The following PSMA5 variants were observed in gnomAD, a reference collection of about 807,000 sequenced individuals.
PSMA5 encodes proteasome 20S subunit alpha 5.
In PSMA5, 3 loss-of-function variants were observed where a neutral mutation model predicts 34.5. The ratio of observed to expected loss-of-function variants is 0.09; its 90% CI spans 0.04 to 0.22. The LOEUF (loss-of-function observed/expected upper bound fraction) is 0.22, where lower values mean the gene tolerates loss of function less well. Among genes scored for constraint, PSMA5 ranks in the 10% least tolerant of loss-of-function variants. PSMA5 has a pLI of 1.00. For synonymous variants in PSMA5, 88 were observed against 95.8 expected (o/e 0.92, Z 0.47); for missense variants, 120 against 286.1 (o/e 0.42, Z 4.19).
At chr1:109,404,238 G>A (rs1177962655) in intron 8 of PSMA5, among the ~76,000 whole-genome samples, 2 of 152,108 alleles carry the variant, frequency 1.3e-5, no homozygotes, top group African/African-American at 4.8e-5. Context: ...CTCGAACATG[G>A]GATGTGGAGG....
At chr1:109,420,502 A>G (rs1654399562) in intron 2 of PSMA5, among the ~76,000 whole-genome samples, 2 of 152,212 alleles carry the variant, frequency 1.3e-5, no homozygotes, top group South Asian at 2.1e-4. Flanking sequence ...AAGAATTGCT[A>G]TTTTTGTTAC....
chr1:109,414,086 C>T lies in PSMA5; in HGVS notation c.224-951G>A, dbSNP rs559862741. Among the ~76,000 whole-genome samples, 7 of 152,264 alleles carry T rather than the reference C, an allele frequency of 4.6e-5. No individual in the cohort carries two copies. In the South Asian group the frequency reaches 1.0e-3, roughly 23 times the overall value. On this transcript the variant is annotated intron_variant, in intron 3 of 8. Coordinates refer to ENST00000271308, the MANE Select transcript of PSMA5 (RefSeq NM_002790.4). ...CTTCAGTGTGGTAAAAAAGGAATTC[C>T]GCTCTCTGACCGACTCTGCTGCTGC...
At chr1:109,419,815 A>C (rs1173066805) in intron 2 of PSMA5, among the ~76,000 whole-genome samples, 1 of 151,066 alleles carries the variant, frequency 6.6e-6, no homozygotes, top group Non-Finnish European at 1.5e-5. Flanking sequence ...AAAAAAAAAA[A>C]AAAAAAAAAC....
chr1:109,408,892 T>G (rs1014415972), intron 8 of PSMA5, among the ~76,000 whole-genome samples: 1 of 152,054 alleles, frequency 6.6e-6, no homozygotes, highest in Non-Finnish European at 1.5e-5. Flanking sequence ...GGTTTCACCA[T>G]GTTGGGCAGG....
intron 2 of PSMA5, among the ~76,000 whole-genome samples, chr1:109,419,825 C>T (rs1177789194): frequency 8.7e-6 from 1 of 114,992 alleles, no homozygotes; most frequent in African/African-American, 4.1e-5. Flanking sequence ...AAAAAAAAAA[C>T]AAGCCGCGCA....
At chr1:109,419,601 G>A (rs1042668700) in intron 2 of PSMA5, among the ~76,000 whole-genome samples, 2 of 151,990 alleles carry the variant, frequency 1.3e-5, no homozygotes, top group East Asian at 1.9e-4. Context: ...TCAGGAGTTC[G>A]AGACCAGCCT....
chr1:109,405,629 G>C (rs954958187), intron 8 of PSMA5, among the ~76,000 whole-genome samples: 2 of 152,000 alleles, frequency 1.3e-5, no homozygotes, highest in African/African-American at 4.8e-5. Flanking sequence ...ATTAGAGACA[G>C]GGGTTTCACC....
intron 1 of PSMA5, 97 bp downstream of exon 1, chr1:109,426,205 T>G (rs1017307167): frequency 2.6e-6 from 4 of 1,525,558 alleles, no homozygotes; most frequent in Admixed American, 1.7e-5. Flanking sequence ...CTCGGGTTCC[T>G]GGGGAGCCCC....
In PSMA5 at chr1:109,412,158, T is replaced by A. The variant is rs776181249; in HGVS notation, c.318A>T (p.Thr106=). Reference sequence around the variant, plus strand: ...CTTGGGTCACACTCTCCACTGTCATTGTCTCATTGTAGGTGAACCAGTGGT... The same window carrying A: ...CTTGGGTCACACTCTCCACTGTCATAGTCTCATTGTAGGTGAACCAGTGGT... The part of the protein sequence containing the change: ...TQNHWFTYNE[T]MTVESVTQAV... The change falls in exon 5 of 9, where the codon ACA becomes ACT. Residue 106 remains threonine (T), a synonymous_variant. Transcript: ENST00000271308. The A allele has an allele frequency of 1.2e-6, 2 of 1,614,062 alleles. No individual in the cohort carries two copies. The highest frequency in any genetic ancestry group is 2.2e-5 in the South Asian group (2 of 91,084).
chr1:109,405,447 G>GTT (rs11390638), intron 8 of PSMA5, among the ~76,000 whole-genome samples: 5,650 of 118,252 alleles, frequency 0.048, 277 homozygotes, highest in Middle Eastern at 0.062. Flanking sequence ...GTCAGAAAAG[G>GTT]TTTTTTTTTT....
chr1:109,415,840 A>G (rs1654171621), intron 2 of PSMA5, among the ~76,000 whole-genome samples: 1 of 152,186 alleles, frequency 6.6e-6, no homozygotes, highest in Non-Finnish European at 1.5e-5. Context: ...CTGTCCCAAG[A>G]GGTGATGATA....
intron 3 of PSMA5, among the ~76,000 whole-genome samples, chr1:109,414,613 C>A (rs974001688): frequency 1.3e-5 from 2 of 152,154 alleles, no homozygotes; most frequent in Non-Finnish European, 2.9e-5. Flanking sequence ...ATGTTCCAAT[C>A]TTAAAAGATA....
chr1:109,422,440 T>C (rs1301984544), intron 1 of PSMA5, among the ~76,000 whole-genome samples: 1 of 152,112 alleles, frequency 6.6e-6, no homozygotes, highest in Non-Finnish European at 1.5e-5. Flanking sequence ...TAGGAAGAGT[T>C]TTCCCCCTAA....
At chr1:109,406,227 T>G (rs929042048) in intron 8 of PSMA5, among the ~76,000 whole-genome samples, 6 of 152,092 alleles carry the variant, frequency 3.9e-5, no homozygotes, top group African/African-American at 1.4e-4. Flanking sequence ...ATGGAAATAA[T>G]AAAAGCTGAA....
intron 3 of PSMA5, among the ~76,000 whole-genome samples, chr1:109,414,197 C>T (rs1654108889): frequency 6.6e-6 from 1 of 152,202 alleles, no homozygotes; most frequent in African/African-American, 2.4e-5. Context: ...TCTATTCCCC[C>T]TGACTAGAAT....
In PSMA5 at chr1:109,402,098, G is replaced by T. The variant is rs753692225; in HGVS notation, c.649-8C>A. 3.7e-6 allele frequency: 6 copies of T among 1,606,440 alleles called. No homozygotes were observed. The East Asian group carries it at 6.7e-5, about 18-fold the overall frequency. ...AGGCTGCACTGTGGCTAGCTGGAAA[G>T]AAAACAGAAGGGTTAATAAGCTGGG... On this transcript the variant is annotated splice_region_variant and splice_polypyrimidine_tract_variant and intron_variant, in intron 8 of 8. Transcript: ENST00000271308.
intron 8 of PSMA5, among the ~76,000 whole-genome samples, chr1:109,406,828 TACATTTGTCA>T (rs1169945144): frequency 6.6e-6 from 1 of 152,198 alleles, no homozygotes; most frequent in Non-Finnish European, 1.5e-5. Flanking sequence ...CTGGGGGTTG[TACATTTGTCA>T]ACATCCGCTG....
intron 8 of PSMA5, among the ~76,000 whole-genome samples, chr1:109,405,380 G>C (rs1483699037): frequency 2.7e-5 from 4 of 150,050 alleles, no homozygotes; most frequent in Non-Finnish European, 5.9e-5. Flanking sequence ...AATGACTTAA[G>C]AAGTAGTGAA....
At chr1:109,410,244 A>C (rs1468856020) in intron 7 of PSMA5, among the ~76,000 whole-genome samples, 2 of 152,206 alleles carry the variant, frequency 1.3e-5, no homozygotes, top group Non-Finnish European at 2.9e-5. Flanking sequence ...CAATAAAGTC[A>C]CCAACCAAAG....
Sources: gnomAD v4.1 joint callset for allele counts (sites outside exome capture counted in the v4.1 genomes callset) on GRCh38, gnomAD v4.1.1 for gene constraint, MANE v1.5 for transcripts, NCBI Gene and HGNC (gene_info 2026-07-23, HGNC 2026-07-21) for gene names.